The following TMC1 variants were observed in gnomAD, a reference collection of about 807,000 sequenced individuals.
TMC1 encodes the protein transmembrane channel-like protein 1.
A neutral mutation model predicts 105.8 loss-of-function variants in TMC1; 84 were observed. That is an observed-to-expected ratio of 0.79 (90% CI 0.67 to 0.95). The LOEUF (loss-of-function observed/expected upper bound fraction) is 0.95. Ranked by LOEUF, TMC1 falls within the 40% of genes least tolerant of loss-of-function variation. TMC1 has a pLI of 0.00. For missense variants in TMC1, 817 were observed against 914.1 expected (o/e 0.89, Z 1.37); for synonymous variants, 315 against 311.5 (o/e 1.01, Z -0.12).
chr9:72,720,423 A>G (rs1827002319), intron 8 of TMC1, among the ~76,000 whole-genome samples: 1 of 152,204 alleles, frequency 6.6e-6, no homozygotes, highest in African/African-American at 2.4e-5. Context: ...CAATATCGTG[A>G]GATCATGGGC....
At chr9:72,570,504 T>C (rs1472814583) in intron 1 of TMC1, among the ~76,000 whole-genome samples, 1 of 151,998 alleles carries the variant, frequency 6.6e-6, no homozygotes, top group East Asian at 1.9e-4. Flanking sequence ...GTATATTCTT[T>C]TATGTGGCCA....
chr9:72,770,041 T>A (rs1331588313), intron 12 of TMC1, among the ~76,000 whole-genome samples: 1 of 152,058 alleles, frequency 6.6e-6, no homozygotes, highest in African/African-American at 2.4e-5. Flanking sequence ...AACAAGAAGA[T>A]GTCATGCACC....
intron 8 of TMC1, among the ~76,000 whole-genome samples, chr9:72,721,602 T>G (rs1466059755): frequency 2.0e-5 from 3 of 152,164 alleles, no homozygotes; most frequent in Admixed American, 6.6e-5. Flanking sequence ...ACAATGACAA[T>G]AGCAGAGCAT....
intron 1 of TMC1, among the ~76,000 whole-genome samples, chr9:72,551,276 TG>T (rs1281619389): frequency 2.0e-5 from 3 of 152,246 alleles, no homozygotes; most frequent in African/African-American, 7.2e-5. Flanking sequence ...TTTGGTAATT[TG>T]TTACAGCAAT....
At chr9:72,812,914 G>A (rs1389028764) in intron 18 of TMC1, among the ~76,000 whole-genome samples, 1 of 152,176 alleles carries the variant, frequency 6.6e-6, no homozygotes, top group African/African-American at 2.4e-5. Context: ...TGTCAAGTGA[G>A]CACCATATGT....
chr9:72,830,824 A>T, intron 23 of TMC1, 142 bp downstream of exon 23: 21 of 735,566 alleles, frequency 2.9e-5, no homozygotes, highest in Non-Finnish European at 6.7e-6. Context: ...CTTACCTTCC[A>T]CCTTTTTAGC....
chr9:72,760,168 T>C (rs1827733996), intron 12 of TMC1, among the ~76,000 whole-genome samples: 1 of 152,184 alleles, frequency 6.6e-6, no homozygotes, highest in African/African-American at 2.4e-5. Flanking sequence ...CTTTGGTTGG[T>C]TAGCAAAGTT....
intron 4 of TMC1, among the ~76,000 whole-genome samples, chr9:72,638,897 C>T (rs906941569): frequency 2.0e-5 from 3 of 152,110 alleles, no homozygotes; most frequent in Non-Finnish European, 2.9e-5. Context: ...TTTTAGTTTA[C>T]TTAAATGCAC....
chr9:72,724,641 C>A (rs888744217), intron 8 of TMC1, among the ~76,000 whole-genome samples: 4 of 151,982 alleles, frequency 2.6e-5, no homozygotes, highest in African/African-American at 9.7e-5. Flanking sequence ...ATAGATAAAT[C>A]ATGGTTACTA....
At chr9:72,772,654 T>C (rs983710692) in intron 13 of TMC1, 99 bp downstream of exon 13, 64 of 1,488,534 alleles carry the variant, frequency 4.3e-5, no homozygotes, top group Admixed American at 6.7e-5. Context: ...CTATTTTATG[T>C]CTAAAGGAAA....
chr9:72,624,430 A>G (rs1038050534), intron 3 of TMC1, among the ~76,000 whole-genome samples: 3 of 152,088 alleles, frequency 2.0e-5, no homozygotes, highest in Non-Finnish European at 4.4e-5. Flanking sequence ...CTGAGCTTCA[A>G]ATCTTTTTTT....
At chr9:72,635,540 A>G (rs955699826) in intron 4 of TMC1, among the ~76,000 whole-genome samples, 3 of 152,230 alleles carry the variant, frequency 2.0e-5, no homozygotes, top group African/African-American at 7.2e-5. Context: ...CTTTGTGCCA[A>G]AAACAAACAC....
At chr9:72,812,077 C>G (rs1286250316) in intron 18 of TMC1, among the ~76,000 whole-genome samples, 1 of 152,170 alleles carries the variant, frequency 6.6e-6, no homozygotes, top group Non-Finnish European at 1.5e-5. Context: ...AACCAAATTT[C>G]CATCATGTTG....
intron 3 of TMC1, among the ~76,000 whole-genome samples, chr9:72,623,075 AAAC>A (rs968443626): frequency 4.6e-5 from 7 of 151,224 alleles, no homozygotes; most frequent in South Asian, 2.1e-4. Flanking sequence ...AACAAAAGAA[AAAC>A]AACAACAACA....
At position 72,721,221 on chromosome 9, in the gene TMC1, T is replaced by G. The variant is rs532489817; in HGVS notation, c.363-18898T>G. Among the ~76,000 whole-genome samples, 21 of 152,272 alleles carry G rather than the reference T, an allele frequency of 1.4e-4. 1 individual carries two copies. In the South Asian group the frequency reaches 4.3e-3, roughly 32 times the overall value. Reference sequence around the variant, plus strand: ...CAGAGAATTACAAAAACAAAAGGTCTTTTATGTTCCTCCTCCCCTTTCCTG... The same window carrying G: ...CAGAGAATTACAAAAACAAAAGGTCGTTTATGTTCCTCCTCCCCTTTCCTG... On this transcript the variant is annotated intron_variant, in intron 8 of 23. Transcript: ENST00000297784.
intron 18 of TMC1, among the ~76,000 whole-genome samples, chr9:72,815,927 T>C (rs1385558931): frequency 2.6e-5 from 4 of 152,172 alleles, no homozygotes; most frequent in Non-Finnish European, 4.4e-5. Flanking sequence ...TTTCATAGCA[T>C]TGGATGACAG....
intron 8 of TMC1, among the ~76,000 whole-genome samples, chr9:72,725,796 T>C (rs763049405): frequency 9.2e-5 from 14 of 152,014 alleles, no homozygotes; most frequent in Non-Finnish European, 1.8e-4. Context: ...GTTCAAGCCA[T>C]TCTCCTGCCT....
intron 8 of TMC1, among the ~76,000 whole-genome samples, chr9:72,702,897 T>C (rs1284766132): frequency 2.6e-5 from 4 of 151,974 alleles, no homozygotes; most frequent in Admixed American, 2.0e-4. Flanking sequence ...GCATTAGCAT[T>C]GGAAAGAAGG....
chr9:72,681,674 G>T (rs961243844), intron 5 of TMC1, among the ~76,000 whole-genome samples: 31 of 152,062 alleles, frequency 2.0e-4, no homozygotes, highest in African/African-American at 7.0e-4. Flanking sequence ...AAAAAAATTG[G>T]TGTGCATCCC....
Sources: allele counts gnomAD v4.1 joint callset (sites outside exome capture counted in the v4.1 genomes callset), GRCh38; gene constraint gnomAD v4.1.1; transcripts MANE v1.5; gene names NCBI Gene and HGNC (gene_info 2026-07-23, HGNC 2026-07-21).